The following ADGRG5 variants were observed in gnomAD, a reference collection of about 807,000 sequenced individuals.
ADGRG5 encodes adhesion G protein-coupled receptor G5.
A neutral mutation model predicts 53.2 loss-of-function variants in ADGRG5; 37 were observed. The ratio of observed to expected loss-of-function variants is 0.70; its 90% confidence interval spans 0.53 to 0.91. The LOEUF (loss-of-function observed/expected upper bound fraction) is 0.91, where lower values mean the gene tolerates loss of function less well. Ranked by LOEUF, ADGRG5 falls within the 40% of genes least tolerant of loss-of-function variation. The pLI, the probability that ADGRG5 is intolerant of heterozygous loss-of-function variation, is 0.00. For synonymous variants in ADGRG5, 277 were observed against 290.4 expected, an observed-to-expected ratio of 0.95 and a Z score of 0.47; for missense variants, 614 against 675.8, an observed-to-expected ratio of 0.91 and a Z score of 1.01.
At chr16:57,564,049 TCA>T (rs1411376268) in intron 5 of ADGRG5, 70 bp downstream of exon 5, 3 of 1,537,486 alleles carry the variant, frequency 2.0e-6, no homozygotes, top group African/African-American at 2.7e-5. Context: ...GGTGCCCATG[TCA>T]CTGCCTGGCC....
chr16:57,538,810 C>T (rs1286308414), upstream of ADGRG5, among the ~76,000 whole-genome samples: 1 of 152,210 alleles, frequency 6.6e-6, no homozygotes, highest in East Asian at 1.9e-4. Flanking sequence ...AACACATGCC[C>T]TTATTTACCT....
the ADGRG5 span, among the ~76,000 whole-genome samples, chr16:57,535,269 G>A: frequency 3.9e-5 from 6 of 152,170 alleles, no homozygotes; most frequent in African/African-American, 4.8e-5. Flanking sequence ...AAGGGATGGC[G>A]GCTAGGCCTC....
chr16:57,569,188 TCCTCCA>T (rs1355186503), intron 9 of ADGRG5, among the ~76,000 whole-genome samples: 1 of 140,418 alleles, frequency 7.1e-6, no homozygotes, highest in Non-Finnish European at 1.5e-5. Flanking sequence ...CGTCATCACC[TCCTCCA>T]CCTCCACCAC....
rs757873391 is a variant in ADGRG5, at chr16:57,568,006, G to A, written c.972G>A (p.Ala324=). ...CTALAAALHY[A]LLSCLTWMAI... ...CTCTGGCCGCTGCCCTGCACTACGC[G>A]CTGCTCAGCTGCCTCACCTGGATGG... The change falls in exon 9 of 12, where the codon GCG becomes GCA. Residue 324 remains alanine, a synonymous_variant. Coordinates refer to ENST00000349457, the MANE Select transcript of ADGRG5 (RefSeq NM_001304376.3). 1.1e-5 allele frequency: 18 copies of A among 1,614,028 alleles called. No homozygotes were observed. The highest frequency in any genetic ancestry group is 8.8e-5 in the South Asian group (8 of 91,084).
At chr16:57,550,481 CAGA>C (rs1189110533) in intron 1 of ADGRG5, among the ~76,000 whole-genome samples, 3 of 152,180 alleles carry the variant, frequency 2.0e-5, no homozygotes, top group South Asian at 2.1e-4. Context: ...TTTCAAAAAG[CAGA>C]AGTTTTAATT....
In ADGRG5 at chr16:57,575,457, G is replaced by A. The variant is rs148556945; in HGVS notation, c.1506G>A (p.Trp502Ter). The change falls in exon 12 of 12, where the codon TGG becomes TGA. Residue 502 changes from tryptophan to a stop codon, truncating the protein, a stop_gained. Transcript: ENST00000349457. LOFTEE classifies it high-confidence loss of function. ...TTGCAGGTTTCTTCCTTTTCCTGTG[G>A]TTCTGCTCCCAGCGGTGCCGCTCAG... ...NSLYGFFLFLWFCSQRCRSEA... is the reference protein window; with the variant it reads ...NSLYGFFLFL 2.5e-6 allele frequency: 4 copies of A among 1,613,990 alleles called. No homozygotes were observed. The African/African-American group carries it at 5.3e-5, about 22-fold the overall frequency.
intron 9 of ADGRG5, among the ~76,000 whole-genome samples, chr16:57,569,338 A>ACCTCCACCTCCATCACCACCT (rs2033262727): frequency 8.2e-6 from 1 of 122,256 alleles, no homozygotes; most frequent in African/African-American, 3.3e-5. Context: ...CATCACCACC[A>ACCTCCACCTCCATCACCACCT]CCTCCACCTC....
At chr16:57,534,226 C>T in the ADGRG5 span, among the ~76,000 whole-genome samples, 1 of 152,186 alleles carries the variant, frequency 6.6e-6, no homozygotes, top group African/African-American at 2.4e-5. Flanking sequence ...TGCCATCTCT[C>T]TTCTGGCAGT....
In ADGRG5 at chr16:57,575,420, C is replaced by G; in HGVS notation, c.1487-18C>G. On this transcript the variant is annotated intron_variant, in intron 11 of 11. Coordinates refer to ENST00000349457, the MANE Select transcript of ADGRG5 (RefSeq NM_001304376.3). ...GAAGCCCATGCTGCCCCGTGGAACTCCCGCCTTTCTCTTGCAGGTTTCTTC... is the reference window on the plus strand; with the variant it reads ...GAAGCCCATGCTGCCCCGTGGAACTGCCGCCTTTCTCTTGCAGGTTTCTTC... 1 of 1,612,488 alleles carries G rather than the reference C, an allele frequency of 6.2e-7. No individual in the cohort carries two copies. The highest frequency in any genetic ancestry group is 8.5e-7 in the Non-Finnish European group (1 of 1,178,548).
At chr16:57,571,444 G>A (rs2033355260) in intron 10 of ADGRG5, among the ~76,000 whole-genome samples, 1 of 152,140 alleles carries the variant, frequency 6.6e-6, no homozygotes, top group South Asian at 2.1e-4. Context: ...GCAGGGCCGG[G>A]GGACTGCGTG....
chr16:57,543,768 G>A (rs1008315581), intron 1 of ADGRG5, among the ~76,000 whole-genome samples: 1 of 152,124 alleles, frequency 6.6e-6, no homozygotes, highest in Non-Finnish European at 1.5e-5. Flanking sequence ...AGGGAGGAAG[G>A]CAGGGGTTCC....
intron 10 of ADGRG5, among the ~76,000 whole-genome samples, chr16:57,573,542 C>T (rs2033424314): frequency 6.6e-6 from 1 of 151,954 alleles, no homozygotes; most frequent in Non-Finnish European, 1.5e-5. Context: ...AGCATAGGGC[C>T]TCAAGAGCCC....
In ADGRG5 at chr16:57,574,860, C is replaced by A; in HGVS notation, c.1254C>A (p.Gly418=). 1.2e-6 allele frequency: 2 copies of A among 1,610,126 alleles called. No homozygotes were observed. The highest frequency in any genetic ancestry group is 2.2e-5 in the South Asian group (2 of 90,912). The change falls in exon 11 of 12, where the codon GGC becomes GGA. Residue 418 remains glycine, a synonymous_variant. Coordinates refer to ENST00000349457, the MANE Select transcript of ADGRG5 (RefSeq NM_001304376.3). The surrounding 1 kb of genome is among the most constrained non-coding windows in gnomAD (Gnocchi z 4.4). The stretch of plus-strand genomic sequence containing the variant: ...TGGTGCACAGTGTCCTGGTCATGGG[C>A]TACGGCGGCCTCACGTCCCTCTTCA... ...SPVVHSVLVM[G]YGGLTSLFNL...
intron 1 of ADGRG5, among the ~76,000 whole-genome samples, chr16:57,545,338 A>G (rs541164617): frequency 3.9e-5 from 6 of 152,344 alleles, no homozygotes; most frequent in Admixed American, 2.0e-4. Flanking sequence ...GGAGATTTCA[A>G]TTTGAAAAAT....
rs764010027 is a variant in ADGRG5 at position 57,563,095 on chromosome 16, C to G, written c.145C>G (p.Leu49Val). The part of the protein sequence containing the change: ...GRSSVFSSRQ[L>V]HQLEQMLLNT... ...GGCCATCTCTCTGGGCTGCAGTCAA[C>G]TCCACCAGCTGGAGCAGATGCTACT... Residue 49 changes from leucine to valine, a missense_variant, in exon 4 of 12, where the codon CTC (leucine) becomes GTC (valine). Transcript: ENST00000349457. 1.3e-5 allele frequency: 21 copies of G among 1,614,016 alleles called. No individual in the cohort carries two copies. The highest frequency in any genetic ancestry group is 1.7e-5 in the Non-Finnish European group (20 of 1,180,026).
the ADGRG5 span, among the ~76,000 whole-genome samples, chr16:57,532,047 G>C: frequency 6.6e-6 from 1 of 152,152 alleles, no homozygotes; most frequent in Non-Finnish European, 1.5e-5. Context: ...GCCCAGCTCT[G>C]ACACCAACCT....
chr16:57,554,619 G>T (rs112754427), intron 1 of ADGRG5, among the ~76,000 whole-genome samples: 3 of 151,988 alleles, frequency 2.0e-5, no homozygotes, highest in Admixed American at 2.0e-4. Context: ...TTTGTGATCC[G>T]CCCACCTTGG....
Position 57,563,993 on chromosome 16 carries a change from C to G in ADGRG5, c.429+14C>G. ...CACTTTTTCAAGGTCAGTGTGATGG[C>G]GGGCCAAGGAGGGTGGGTGCCGGCC... On this transcript the variant is annotated intron_variant, in intron 5 of 11. Transcript: ENST00000349457. 6.2e-7 allele frequency: 1 copy of G among 1,606,946 alleles called. No individual in the cohort carries two copies. Among genetic ancestry groups the G allele is most frequent in the South Asian group, 1.1e-5 (1 of 90,682 alleles).
chr16:57,540,410 C>T (rs573351386), upstream of ADGRG5, among the ~76,000 whole-genome samples: 4 of 152,290 alleles, frequency 2.6e-5, no homozygotes, highest in East Asian at 7.7e-4. Flanking sequence ...TTGCAGGCTA[C>T]TCACCAGGGT....
Sources: gnomAD v4.1 joint callset for allele counts (sites outside exome capture counted in the v4.1 genomes callset) on GRCh38, gnomAD v4.1.1 for gene constraint, Gnocchi (gnomAD v3.1) non-coding constraint, MANE v1.5 for transcripts, NCBI Gene and HGNC (gene_info 2026-07-23, HGNC 2026-07-21) for gene names.